The following FAM227B variants were observed in gnomAD, a reference collection of about 807,000 sequenced individuals.
FAM227B encodes the protein family with sequence similarity 227 member B.
In FAM227B, 88 loss-of-function variants were observed where a neutral mutation model predicts 73.8. The observed-to-expected ratio is 1.19, with a 90% confidence interval of 1.00 to 1.42. The LOEUF (loss-of-function observed/expected upper bound fraction) is 1.42. Ranked by LOEUF, FAM227B falls within the 40% of genes most tolerant of loss-of-function variation. FAM227B has a pLI of 0.00. For missense variants in FAM227B, 632 were observed against 590.9 expected (o/e 1.07, Z -0.72); for synonymous variants, 210 against 190.5 (o/e 1.10, Z -0.84).
chr15:49,501,364 G>A (rs539423358), intron 11 of FAM227B, among the ~76,000 whole-genome samples: 4 of 152,164 alleles, frequency 2.6e-5, no homozygotes, highest in Non-Finnish European at 5.9e-5. Context: ...CAAACTTATT[G>A]GGAACTGGAG....
intron 11 of FAM227B, chr15:49,489,168 C>T: frequency 1.4e-6 from 1 of 719,682 alleles, no homozygotes; most frequent in Non-Finnish European, 1.7e-6. Context: ...GGCATACATA[C>T]CAGAAAGCAG....
intron 11 of FAM227B, among the ~76,000 whole-genome samples, chr15:49,388,507 T>C (rs2047014787): frequency 1.3e-5 from 2 of 151,944 alleles, no homozygotes; most frequent in African/African-American, 4.8e-5. Flanking sequence ...ATGAGTCAAA[T>C]ATAGGACCTG....
intron 11 of FAM227B, among the ~76,000 whole-genome samples, chr15:49,419,332 C>T (rs1420402755): frequency 1.3e-5 from 2 of 152,182 alleles, no homozygotes; most frequent in South Asian, 2.1e-4. Context: ...GGCTGCTTCT[C>T]AAATGCACTC....
At chr15:49,389,936 G>T (rs1421553603) in intron 11 of FAM227B, among the ~76,000 whole-genome samples, 1 of 151,982 alleles carries the variant, frequency 6.6e-6, no homozygotes, top group Non-Finnish European at 1.5e-5. Flanking sequence ...AGTTCTGGCC[G>T]TATTTTCTAT....
rs2059059712 is a variant in FAM227B at position 49,512,270 on chromosome 15, G to T, written c.875-3922C>A. On this transcript the variant is annotated intron_variant, in intron 10 of 15. Coordinates refer to ENST00000299338, the MANE Select transcript of FAM227B (RefSeq NM_152647.3). ...TTTGATTTTTGGCTGAATATAAAAAGAATTTTTATAAATATTTTGTGTTTG... is the reference window on the plus strand; with the variant it reads ...TTTGATTTTTGGCTGAATATAAAAATAATTTTTATAAATATTTTGTGTTTG... Among the ~76,000 whole-genome samples, 5 of 152,028 alleles carry T rather than the reference G, an allele frequency of 3.3e-5. No individual in the cohort carries two copies. In the South Asian group the frequency reaches 1.0e-3, roughly 31 times the overall value.
intron 9 of FAM227B, among the ~76,000 whole-genome samples, chr15:49,562,350 T>C (rs2074326403): frequency 6.6e-6 from 1 of 151,720 alleles, no homozygotes; most frequent in South Asian, 2.1e-4. Flanking sequence ...GTTAAATCAG[T>C]AATAATAATA....
At chr15:49,504,425 T>TA (rs35119908) in intron 11 of FAM227B, among the ~76,000 whole-genome samples, 48,163 of 147,756 alleles carry the variant, frequency 0.33, 8,840 homozygotes, top group East Asian at 0.43. Context: ...TAAAGTATAA[T>TA]AAAAAAAAAG....
chr15:49,556,460 T>C (rs2073695776), intron 9 of FAM227B, among the ~76,000 whole-genome samples: 1 of 152,186 alleles, frequency 6.6e-6, no homozygotes, highest in African/African-American at 2.4e-5. Flanking sequence ...GCTAAAGTGT[T>C]CTTGGGCCAC....
At chr15:49,526,803 G>T (rs957699188) in intron 10 of FAM227B, among the ~76,000 whole-genome samples, 9 of 151,840 alleles carry the variant, frequency 5.9e-5, no homozygotes, top group Admixed American at 5.3e-4. Context: ...TAGAAGAAAT[G>T]GATAAATTTT....
intron 3 of FAM227B, among the ~76,000 whole-genome samples, chr15:49,595,184 A>G (rs1284654457): frequency 6.6e-6 from 1 of 151,756 alleles, no homozygotes; most frequent in Non-Finnish European, 1.5e-5. Context: ...TTTATTTTAT[A>G]TTGTATTAAT....
chr15:49,396,276 G>C, intron 11 of FAM227B: 1 of 406,068 alleles, frequency 2.5e-6, no homozygotes, highest in Non-Finnish European at 4.8e-6. Context: ...CCTGAATACT[G>C]TGCTTTTCTG....
intron 13 of FAM227B, among the ~76,000 whole-genome samples, chr15:49,340,436 C>A (rs1459020793): frequency 6.9e-6 from 1 of 144,512 alleles, no homozygotes. Flanking sequence ...TTGCCTCGCC[C>A]TCCTTGGGCT....
intron 11 of FAM227B, among the ~76,000 whole-genome samples, chr15:49,384,785 T>C (rs2046774889): frequency 6.6e-6 from 1 of 152,024 alleles, no homozygotes; most frequent in Admixed American, 6.6e-5. Context: ...AAAGTATTAA[T>C]AATTCCCTTA....
rs549059995 is a variant in FAM227B at position 49,355,492 on chromosome 15, G to C, written c.1271+11956C>G. Among the ~76,000 whole-genome samples the C allele has an allele frequency of 5.7e-3, 871 of 152,252 alleles. 6 individuals carry two copies. The highest frequency in any genetic ancestry group is 0.02 in the African/African-American group (813 of 41,526). On this transcript the variant is annotated intron_variant, in intron 13 of 15. Transcript: ENST00000299338. Reference sequence around the variant, plus strand: ...ATCAACTGGAAGAAAGGGTATCAGCGATGGAAGATGAAATGAATGAAATGA... The same window carrying C: ...ATCAACTGGAAGAAAGGGTATCAGCCATGGAAGATGAAATGAATGAAATGA...
intron 3 of FAM227B, among the ~76,000 whole-genome samples, chr15:49,605,442 C>T (rs1481679390): frequency 6.6e-6 from 1 of 152,232 alleles, no homozygotes; most frequent in Non-Finnish European, 1.5e-5. Flanking sequence ...TGGGTGCAGC[C>T]TGTACACTTA....
At chr15:49,577,607 G>A in intron 6 of FAM227B, 22 bp downstream of exon 6, 1 of 1,486,696 alleles carries the variant, frequency 6.7e-7, no homozygotes, top group South Asian at 1.2e-5. Context: ...ATACAATCTG[G>A]CAGAACAGAA....
At chr15:49,483,604 AT>A (rs1297466922) in intron 11 of FAM227B, among the ~76,000 whole-genome samples, 1 of 152,022 alleles carries the variant, frequency 6.6e-6, no homozygotes, top group African/African-American at 2.4e-5. Flanking sequence ...CAATTTGCAC[AT>A]TGCTGACATG....
At chr15:49,605,345 T>C (rs868315326) in intron 3 of FAM227B, among the ~76,000 whole-genome samples, 2 of 152,176 alleles carry the variant, frequency 1.3e-5, no homozygotes, top group South Asian at 4.1e-4. Flanking sequence ...GGCCTCTGGG[T>C]TCCCTTAGGT....
intron 11 of FAM227B, among the ~76,000 whole-genome samples, chr15:49,444,142 T>G (rs76778279): frequency 0.023 from 3,531 of 151,720 alleles, 88 homozygotes; most frequent in South Asian, 0.13. Context: ...ATTGCTGGGA[T>G]AGCAGAAAAC....
Sources: gnomAD v4.1 joint callset for allele counts (sites outside exome capture counted in the v4.1 genomes callset) on GRCh38, gnomAD v4.1.1 for gene constraint, MANE v1.5 for transcripts, NCBI Gene and HGNC (gene_info 2026-07-23, HGNC 2026-07-21) for gene names.